The following EPB41 variants were observed in gnomAD, a reference collection of about 807,000 sequenced individuals.
EPB41 encodes protein 4.1.
Under a neutral mutation model 108.0 loss-of-function variants are expected in EPB41, and 65 were observed. That is an observed-to-expected ratio of 0.60 (90% CI 0.49 to 0.74). EPB41 has a LOEUF of 0.74. Ranked by LOEUF, EPB41 falls within the 30% of genes least tolerant of loss-of-function variation. The pLI, the probability that EPB41 is intolerant of heterozygous loss-of-function variation, is 0.00. For missense variants in EPB41, 875 were observed against 1,037.0 expected, an observed-to-expected ratio of 0.84 and a Z score of 2.15; for synonymous variants, 336 against 358.9, an observed-to-expected ratio of 0.94 and a Z score of 0.72.
rs746453289 is a variant in EPB41, at chr1:29,053,115, G to A, written c.1648G>A (p.Asp550Asn). The A allele has an allele frequency of 3.7e-6, 6 of 1,613,882 alleles. No homozygotes were observed. The African/African-American group carries it at 5.3e-5, about 14-fold the overall frequency. The part of the protein sequence containing the change: ...SRSLDGAAAV[D>N]SADRSPRPTS... ...CCTTTCTCACATAGCAGCAGCTGTC[G>A]ATTCGGCAGACCGAAGTCCTCGGCC... is the stretch of plus-strand genomic sequence containing the variant. Residue 550 changes from aspartate (D) to asparagine (N), a missense_variant, in exon 12 of 21, where the codon GAT becomes AAT. Physicochemically the swap from Asp to Asn is conservative, Grantham distance 23. Transcript: ENST00000343067.
At chr1:29,044,970 G>T (rs931283204) in intron 11 of EPB41, among the ~76,000 whole-genome samples, 5 of 152,164 alleles carry the variant, frequency 3.3e-5, no homozygotes, top group Non-Finnish European at 7.4e-5. Flanking sequence ...CTAATCTCTT[G>T]TATTGATCTT....
chr1:28,959,373 C>T (rs557646972), intron 1 of EPB41, among the ~76,000 whole-genome samples: 163 of 151,902 alleles, frequency 1.1e-3, no homozygotes, highest in Non-Finnish European at 1.7e-3. Flanking sequence ...TGTGCCACTA[C>T]GCCTGGCTAA....
In EPB41 at chr1:28,917,397, C is replaced by T. The variant is rs562737709; in HGVS notation, c.-8+2629C>T. 3.3e-5 allele frequency among the ~76,000 whole-genome samples: 5 copies of T among 152,130 alleles called. No homozygotes were observed. In the South Asian group the frequency reaches 8.3e-4, roughly 25 times the overall value. On this transcript the variant is annotated intron_variant, in intron 1 of 20. Transcript: ENST00000343067. The stretch of plus-strand genomic sequence containing the variant: ...CTGGATTTAAGCAATTCTCCTGGCT[C>T]AGGCTCCCAAGTAGCTGGGATTACA...
intron 17 of EPB41, among the ~76,000 whole-genome samples, chr1:29,106,914 T>A (rs973568721): frequency 6.9e-6 from 1 of 145,104 alleles, no homozygotes; most frequent in Non-Finnish European, 1.5e-5. Context: ...CTGGGTGCAA[T>A]GGCTCACGCC....
At chr1:28,894,494 G>A (rs1187273036) in intron 1 of EPB41, among the ~76,000 whole-genome samples, 2 of 152,164 alleles carry the variant, frequency 1.3e-5, no homozygotes, top group African/African-American at 4.8e-5. Flanking sequence ...TCTGAACTTA[G>A]TAAGGGGCCA....
At chr1:29,039,521 C>A in intron 11 of EPB41, 95 bp downstream of exon 11, 1 of 1,516,064 alleles carries the variant, frequency 6.6e-7, no homozygotes, top group South Asian at 1.2e-5. Context: ...ATTAAAGAAG[C>A]TCAGGGTTGG....
chr1:29,028,391 A>G (rs1295067217), intron 7 of EPB41, among the ~76,000 whole-genome samples: 2 of 152,226 alleles, frequency 1.3e-5, no homozygotes, highest in African/African-American at 2.4e-5. Context: ...TAAGGCTGCA[A>G]TAATAACTAT....
chr1:29,103,365 G>C (rs988803064), intron 17 of EPB41, among the ~76,000 whole-genome samples: 4 of 152,198 alleles, frequency 2.6e-5, no homozygotes, highest in Non-Finnish European at 5.9e-5. Flanking sequence ...AAATATAAAG[G>C]CAGCGTGATA....
At chr1:28,945,370 G>A (rs1414810699) in intron 1 of EPB41, among the ~76,000 whole-genome samples, 2 of 152,218 alleles carry the variant, frequency 1.3e-5, no homozygotes, top group African/African-American at 2.4e-5. Context: ...TAAAGACGGT[G>A]TATATTCTCT....
chr1:29,039,216 A>C, intron 10 of EPB41, 38 bp from the exon 11 acceptor site: 1 of 1,578,806 alleles, frequency 6.3e-7, no homozygotes, highest in South Asian at 1.1e-5. Context: ...TAATAAGATG[A>C]ATATATAATA....
Position 29,035,637 on chromosome 1 carries a change from A to G in EPB41, c.1366-189A>G, listed in dbSNP as rs537376259. Among the ~76,000 whole-genome samples, 2 of 152,088 alleles carry G rather than the reference A, an allele frequency of 1.3e-5. 1 individual carries two copies. Among genetic ancestry groups the G allele is most frequent in the South Asian group, 4.2e-4 (2 of 4,816 alleles). ...GCATTCCCTGGCTTTCTTGCTTTGG[A>G]AAAAGCCACCCTCAGTGAGTGAATT... On this transcript the variant is annotated intron_variant, in intron 9 of 20. Coordinates refer to ENST00000343067, the MANE Select transcript of EPB41 (RefSeq NM_001376013.1).
In EPB41 at chr1:29,117,255, T is replaced by C. The variant is rs1671170447; in HGVS notation, c.*443T>C. On this transcript the variant is annotated 3_prime_UTR_variant, in exon 21 of 21. Transcript: ENST00000343067. The stretch of plus-strand genomic sequence containing the variant: ...GGACTTCCGCGTCTCTCCCTAGTCT[T>C]ATCCCCTTTGGATGATGGCAGAAAC... 1 of 152,696 alleles carries C rather than the reference T, an allele frequency of 6.5e-6. No homozygotes were observed. The highest frequency in any genetic ancestry group is 1.5e-5 in the Non-Finnish European group (1 of 68,080). The allele number at this position is 152,696 out of a possible 1,614,324, so 9.5% of individuals were successfully genotyped here. A position where few individuals can be genotyped will look rare whatever the true frequency, so the allele number is the denominator to read the frequency against.
In EPB41 at chr1:29,051,897, TAA is replaced by T. The variant is rs10715253; in HGVS notation, c.1637-1193_1637-1192del. 2.8e-3 allele frequency among the ~76,000 whole-genome samples: 406 copies of T among 144,588 alleles called. 2 individuals are homozygous for T. Among genetic ancestry groups the T allele is most frequent in the Admixed American group, 4.5e-3 (65 of 14,564 alleles). 94.9% of individuals were successfully genotyped at this position (144,588 alleles called of 152,430 possible). On this transcript the variant is annotated intron_variant, in intron 11 of 20. Coordinates refer to ENST00000343067, the MANE Select transcript of EPB41 (RefSeq NM_001376013.1). Reference sequence around the variant, plus strand: ...TAGGCGACAGGGCAAGACTCCATCTTAAAAAAAAAAAAAAAGTCTCAGTACAA... The same window carrying T: ...TAGGCGACAGGGCAAGACTCCATCTTAAAAAAAAAAAAAGTCTCAGTACAA...
At chr1:29,069,197 A>G in intron 16 of EPB41, 1 of 1,231,284 alleles carries the variant, frequency 8.1e-7, no homozygotes. Flanking sequence ...GATACATATC[A>G]CTTAGGGGTG....
At chr1:29,032,695 A>C (rs1289262362) in intron 8 of EPB41, among the ~76,000 whole-genome samples, 1 of 152,194 alleles carries the variant, frequency 6.6e-6, no homozygotes, top group South Asian at 2.1e-4. Context: ...CCTTAATGTA[A>C]CTTCTTGACT....
chr1:29,060,975 A>G (rs1262510294), intron 15 of EPB41, among the ~76,000 whole-genome samples: 1 of 152,194 alleles, frequency 6.6e-6, no homozygotes, highest in Non-Finnish European at 1.5e-5. Flanking sequence ...ATAAGAAGGA[A>G]AGAGGGGAGC....
intron 1 of EPB41, among the ~76,000 whole-genome samples, chr1:28,977,460 T>C (rs182560765): frequency 6.6e-5 from 10 of 151,960 alleles, no homozygotes; most frequent in African/African-American, 2.4e-4. Flanking sequence ...TTAAAACAAG[T>C]ATATCTTTGA....
chr1:29,092,073 T>G (rs1219079540), intron 16 of EPB41, among the ~76,000 whole-genome samples: 3 of 150,950 alleles, frequency 2.0e-5, no homozygotes, highest in Non-Finnish European at 4.4e-5. Context: ...TGTTTACTCA[T>G]AGGAACACCT....
At chr1:28,982,403 A>T (rs2095774113) in intron 1 of EPB41, 1 of 741,850 alleles carries the variant, frequency 1.3e-6, no homozygotes, top group South Asian at 1.3e-5. Flanking sequence ...TTCGCAAAAG[A>T]CTTGATCTTT....
Sources: allele counts gnomAD v4.1 joint callset (sites outside exome capture counted in the v4.1 genomes callset), GRCh38; gene constraint gnomAD v4.1.1; transcripts MANE v1.5; gene names NCBI Gene and HGNC (gene_info 2026-07-23, HGNC 2026-07-21).